ZNF804B: variants seen among roughly 807,000 people sequenced by gnomAD.
ZNF804B encodes the protein zinc finger protein 804B, also known as zinc finger 804B.
Under a neutral mutation model 101.4 loss-of-function variants are expected in ZNF804B, and 80 were observed. The ratio of observed to expected loss-of-function variants is 0.79; its 90% CI spans 0.66 to 0.95. The LOEUF is 0.95. Among genes scored for constraint, ZNF804B ranks in the 40% least tolerant of loss-of-function variants. The pLI is 0.00. For missense variants in ZNF804B, 1,673 were observed against 1,561.9 expected (o/e 1.07, Z -1.20); for synonymous variants, 622 against 558.8 (o/e 1.11, Z -1.59).
intron 3 of ZNF804B, among the ~76,000 whole-genome samples, chr7:89,330,473 C>T (rs1790962479): frequency 6.6e-6 from 1 of 151,466 alleles, no homozygotes; most frequent in African/African-American, 2.4e-5. Flanking sequence ...TGAATATATA[C>T]AATTTTTTTC....
At chr7:89,235,797 C>G (rs1789270309) in intron 2 of ZNF804B, among the ~76,000 whole-genome samples, 1 of 151,060 alleles carries the variant, frequency 6.6e-6, no homozygotes, top group African/African-American at 2.4e-5. Context: ...ATTGACTAAA[C>G]TGAAATGAAA....
At chr7:88,866,989 G>A (rs1017920883) in intron 1 of ZNF804B, among the ~76,000 whole-genome samples, 1 of 152,164 alleles carries the variant, frequency 6.6e-6, no homozygotes, top group Non-Finnish European at 1.5e-5. Context: ...TATAAGATGG[G>A]CACAACAGAA....
intron 2 of ZNF804B, among the ~76,000 whole-genome samples, chr7:89,306,810 T>G (rs1336255967): frequency 6.6e-6 from 1 of 152,028 alleles, no homozygotes; most frequent in Non-Finnish European, 1.5e-5. Flanking sequence ...AGTAGCGGTT[T>G]AGAACACAGA....
At chr7:89,070,401 C>T (rs1332144723) in intron 1 of ZNF804B, among the ~76,000 whole-genome samples, 1 of 151,906 alleles carries the variant, frequency 6.6e-6, no homozygotes, top group African/African-American at 2.4e-5. Context: ...TGGAGGTGCC[C>T]CCAGGTCATG....
At chr7:88,900,836 A>G (rs1432225562) in intron 1 of ZNF804B, among the ~76,000 whole-genome samples, 1 of 151,412 alleles carries the variant, frequency 6.6e-6, no homozygotes, top group Admixed American at 6.6e-5. Flanking sequence ...TATTGAATTG[A>G]CCCACGGAAA....
chr7:89,218,475 T>C (rs1451509437), intron 2 of ZNF804B, among the ~76,000 whole-genome samples, 180 bp downstream of exon 2: 1 of 152,150 alleles, frequency 6.6e-6, no homozygotes, highest in Non-Finnish European at 1.5e-5. Flanking sequence ...CATTTTTTCC[T>C]AGAACTACTA....
chr7:89,280,914 T>A (rs995320604), intron 2 of ZNF804B, among the ~76,000 whole-genome samples: 1 of 152,150 alleles, frequency 6.6e-6, no homozygotes, highest in African/African-American at 2.4e-5. Flanking sequence ...ATAAAGGAGT[T>A]TTTTTCAAGA....
intron 2 of ZNF804B, among the ~76,000 whole-genome samples, chr7:89,269,796 G>T (rs1319371729): frequency 6.6e-6 from 1 of 152,148 alleles, no homozygotes; most frequent in African/African-American, 2.4e-5. Flanking sequence ...GTTTTGATTT[G>T]CATTTCTCTG....
chr7:89,224,760 G>A (rs1054934853), intron 2 of ZNF804B, among the ~76,000 whole-genome samples: 3 of 27,840 alleles, frequency 1.1e-4, no homozygotes, highest in African/African-American at 4.7e-4. Context: ...GTATGAGTGT[G>A]TGTGTGTGTG....
chr7:89,093,242 C>T (rs1178329151), intron 1 of ZNF804B, among the ~76,000 whole-genome samples: 2 of 152,176 alleles, frequency 1.3e-5, no homozygotes, highest in Non-Finnish European at 2.9e-5. Context: ...ACCTGTACCT[C>T]TGTGGGAAAC....
intron 1 of ZNF804B, among the ~76,000 whole-genome samples, chr7:89,043,028 C>T (rs888093982): frequency 6.6e-6 from 1 of 152,066 alleles, no homozygotes; most frequent in Non-Finnish European, 1.5e-5. Context: ...TTTTTATTGA[C>T]TTCTTTGGGC....
intron 1 of ZNF804B, among the ~76,000 whole-genome samples, chr7:89,161,048 A>G (rs1054110557): frequency 1.3e-5 from 2 of 152,020 alleles, no homozygotes; most frequent in Non-Finnish European, 2.9e-5. Flanking sequence ...TGGGACTCCA[A>G]CCACCTTTCC....
intron 1 of ZNF804B, among the ~76,000 whole-genome samples, chr7:89,217,213 A>T (rs753869763): frequency 5.3e-5 from 8 of 152,256 alleles, no homozygotes; most frequent in Non-Finnish European, 8.8e-5. Flanking sequence ...AGGGTTTGAT[A>T]AAATATGATA....
At chr7:89,119,485 A>G (rs1790365936) in intron 1 of ZNF804B, among the ~76,000 whole-genome samples, 1 of 152,214 alleles carries the variant, frequency 6.6e-6, no homozygotes, top group African/African-American at 2.4e-5. Context: ...TGAGATATTG[A>G]AATATTAATT....
In ZNF804B at chr7:89,280,111, A is replaced by G. The variant is rs1374444701; in HGVS notation, c.250-47233A>G. ...AACTCGGGATTAAGAAACTCACTCA[A>G]AACCACTTAACCACATGGAAACTGA... On this transcript the variant is annotated intron_variant, in intron 2 of 3. Transcript: ENST00000333190. 2.0e-5 allele frequency among the ~76,000 whole-genome samples: 3 copies of G among 152,202 alleles called. No homozygotes were observed. In the East Asian group the frequency reaches 5.8e-4, roughly 29 times the overall value.
intron 1 of ZNF804B, among the ~76,000 whole-genome samples, chr7:89,189,577 A>G (rs1788425329): frequency 6.6e-6 from 1 of 152,274 alleles, no homozygotes; most frequent in East Asian, 1.9e-4. Flanking sequence ...GACAATGATT[A>G]GTGATTATCT....
At position 89,278,399 on chromosome 7, in the gene ZNF804B, G is replaced by A. The variant is rs1331913105; in HGVS notation, c.250-48945G>A. ...TTTGGCTTTTGTTGCCATTGCTTTC[G>A]GTGTTTTAGACATGAAGTCCTTGCC... On this transcript the variant is annotated intron_variant, in intron 2 of 3. Transcript: ENST00000333190. Among the ~76,000 whole-genome samples the A allele has an allele frequency of 6.7e-5, 10 of 150,086 alleles. No individual in the cohort carries two copies. The East Asian group carries it at 9.7e-4, about 15-fold the overall frequency.
At chr7:88,965,893 A>G (rs1327950203) in intron 1 of ZNF804B, among the ~76,000 whole-genome samples, 1 of 151,538 alleles carries the variant, frequency 6.6e-6, no homozygotes, top group Non-Finnish European at 1.5e-5. Flanking sequence ...ATAATCCTGA[A>G]TGACAAACAA....
intron 1 of ZNF804B, among the ~76,000 whole-genome samples, chr7:89,190,763 G>C (rs1020448960): frequency 1.3e-5 from 2 of 152,076 alleles, no homozygotes; most frequent in African/African-American, 4.8e-5. Flanking sequence ...TCACCACCCT[G>C]ATCAGTCAGC....
Sources: gnomAD v4.1 joint callset for allele counts (sites outside exome capture counted in the v4.1 genomes callset) on GRCh38, gnomAD v4.1.1 for gene constraint, MANE v1.5 for transcripts, NCBI Gene and HGNC (gene_info 2026-07-23, HGNC 2026-07-21) for gene names.